PHEX: variants seen among roughly 807,000 people sequenced by gnomAD.
PHEX encodes the protein phosphate regulating endopeptidase X-linked, also known as phosphate-regulating neutral endopeptidase PHEX.
Under a neutral mutation model 68.0 loss-of-function variants are expected in PHEX, and 16 were observed. That is an observed-to-expected ratio of 0.24 (90% CI 0.16 to 0.36). The LOEUF (loss-of-function observed/expected upper bound fraction) is 0.36. PHEX is among the 10% of genes least tolerant of loss of function. The pLI is 1.00. For missense variants in PHEX, 480 were observed against 575.5 expected (o/e 0.83, Z 1.70); for synonymous variants, 208 against 205.1 (o/e 1.01, Z -0.12).
rs929943008 is a variant in PHEX at position 22,163,807 on chromosome X, C to T, written c.1405-4505C>T. Among the ~76,000 whole-genome samples the T allele has an allele frequency of 3.6e-5, 4 of 111,975 alleles. No homozygotes were observed. The Admixed American group carries it at 3.8e-4, about 11-fold the overall frequency. ...ATCAAACTATTGGTGCTTCACTTCT[C>T]CCATTTTGAAAAATTAAAAAGTGAT... is the stretch of plus-strand genomic sequence containing the variant. On this transcript the variant is annotated intron_variant, in intron 12 of 21. Transcript: ENST00000379374.
rs1338704740 is a variant in PHEX, at chrX:22,249,037, T to G, written c.*1084T>G. On this transcript the variant is annotated 3_prime_UTR_variant, in exon 22 of 22. Coordinates refer to ENST00000379374, the MANE Select transcript of PHEX (RefSeq NM_000444.6). ...AAAAAAACATTTTTGAAAAATTTCT[T>G]GACTGATGACATTCTAGAATTTATT... 1 of 110,940 alleles carries G rather than the reference T, an allele frequency of 9.0e-6. No individual in the cohort carries two copies. The highest frequency in any genetic ancestry group is 1.9e-5 in the Non-Finnish European group (1 of 53,021). The allele number at this position is 110,940 out of a possible 1,213,427, so 9.1% of individuals were successfully genotyped here. A position where few individuals can be genotyped will look rare whatever the true frequency, so the allele number is the denominator to read the frequency against.
At chrX:22,041,265 C>CTCTCTCTCTCTCTCTATATATATATA (rs1468778300) in intron 2 of PHEX, among the ~76,000 whole-genome samples, 3 of 72,819 alleles carry the variant, frequency 4.1e-5, no homozygotes, top group African/African-American at 1.9e-4. Context: ...CTCTCTCTCT[C>CTCTCTCTCTCTCTCTATATATATATA]TATATATATA....
chrX:22,235,088 A>AT (rs1935925225), intron 20 of PHEX, among the ~76,000 whole-genome samples: 1 of 110,540 alleles, frequency 9.0e-6, no homozygotes, highest in Non-Finnish European at 1.9e-5. Context: ...AGGGGAGAAA[A>AT]TTCCCCGACC....
chrX:22,218,923 T>C, intron 16 of PHEX, 113 bp from the exon 17 acceptor site: 2 of 546,530 alleles, frequency 3.7e-6, no homozygotes, highest in Non-Finnish European at 6.5e-6. Context: ...TCGATTGTTA[T>C]TACCATGGTT....
At chrX:22,194,854 T>A (rs959449443) in intron 15 of PHEX, among the ~76,000 whole-genome samples, 5 of 112,518 alleles carry the variant, frequency 4.4e-5, no homozygotes, top group African/African-American at 1.3e-4. Context: ...ATTATAATGA[T>A]TTAAATCTGC....
intron 11 of PHEX, among the ~76,000 whole-genome samples, chrX:22,125,414 G>T (rs1212607206): frequency 2.7e-5 from 3 of 111,722 alleles, no homozygotes; most frequent in African/African-American, 9.7e-5. Flanking sequence ...TTTTCGTTAA[G>T]AATTTTATTA....
In PHEX at chrX:22,228,396, C is replaced by CTGTCT. The variant is rs754611555; in HGVS notation, c.2070+787_2070+791dup. The stretch of plus-strand genomic sequence containing the variant: ...TCAGTACAACCTTTTGTTCCTAAGT[C>CTGTCT]TGTCTTTGCTTTCACTGCTAAGTAA... On this transcript the variant is annotated intron_variant, in intron 20 of 21. Coordinates refer to ENST00000379374, the MANE Select transcript of PHEX (RefSeq NM_000444.6). 4.5e-5 allele frequency among the ~76,000 whole-genome samples: 5 copies of CTGTCT among 112,146 alleles called. No individual in the cohort carries two copies. In the South Asian group the frequency reaches 1.8e-3, roughly 41 times the overall value.
intron 7 of PHEX, among the ~76,000 whole-genome samples, chrX:22,095,884 T>C (rs181857989): frequency 1.8e-5 from 2 of 112,214 alleles, no homozygotes; most frequent in South Asian, 3.7e-4. Flanking sequence ...CCCAGCCAAA[T>C]ACGTCCTTGT....
chrX:22,183,038 C>T (rs759089501), intron 14 of PHEX, among the ~76,000 whole-genome samples: 1 of 111,870 alleles, frequency 8.9e-6, no homozygotes, highest in Non-Finnish European at 1.9e-5. Flanking sequence ...TCAACCTTCT[C>T]ATGCCATTAT....
Position 22,153,903 on chromosome X carries a change from C to G in PHEX, c.1405-14409C>G, listed in dbSNP as rs951161501. Among the ~76,000 whole-genome samples, 9 of 111,422 alleles carry G rather than the reference C, an allele frequency of 8.1e-5. No homozygotes were observed. The East Asian group carries it at 2.3e-3, about 28-fold the overall frequency. On this transcript the variant is annotated intron_variant, in intron 12 of 21. Coordinates refer to ENST00000379374, the MANE Select transcript of PHEX (RefSeq NM_000444.6). The stretch of plus-strand genomic sequence containing the variant: ...TGAAAGTACTTAAAAATAGATTTTG[C>G]GAAGTTACTGAGAGAAAAGTTATTA...
chrX:22,068,108 G>A (rs1928696713), intron 3 of PHEX, among the ~76,000 whole-genome samples: 2 of 111,178 alleles, frequency 1.8e-5, no homozygotes, highest in Non-Finnish European at 3.8e-5. Flanking sequence ...ACAGTGCCGA[G>A]ATTACAGGCG....
At chrX:22,141,735 C>T (rs1932470671) in intron 12 of PHEX, among the ~76,000 whole-genome samples, 1 of 111,761 alleles carries the variant, frequency 8.9e-6, no homozygotes, top group Non-Finnish European at 1.9e-5. Context: ...TTTAAAAAAT[C>T]TGGAAAATAA....
At chrX:22,097,573 T>A (rs1930197613) in intron 8 of PHEX, 1 of 133,419 alleles carries the variant, frequency 7.5e-6, no homozygotes, top group Non-Finnish European at 1.4e-5. Flanking sequence ...TGAGTAGGAT[T>A]GGGTCACATG....
chrX:22,234,763 T>A (rs1426898558), intron 20 of PHEX, among the ~76,000 whole-genome samples: 1 of 107,908 alleles, frequency 9.3e-6, no homozygotes, highest in Non-Finnish European at 1.9e-5. Flanking sequence ...TAGAACCCCT[T>A]CTGACGGGAG....
intron 20 of PHEX, among the ~76,000 whole-genome samples, chrX:22,232,596 CTTTTTTTT>C (rs745474280): frequency 8.6e-4 from 16 of 18,554 alleles, no homozygotes; most frequent in East Asian, 3.6e-3. Context: ...GCCACTTCTG[CTTTTTTTT>C]TTTTTTTTTT....
rs1168272048 is a variant in PHEX, at chrX:22,036,065, T to A, written c.119-2404T>A. Among the ~76,000 whole-genome samples, 319 of 87,738 alleles carry A rather than the reference T, an allele frequency of 3.6e-3. 3 individuals carry two copies. Among genetic ancestry groups the A allele is most frequent in the African/African-American group, 8.8e-3 (206 of 23,471 alleles). The allele number at this position is 87,738 out of a possible 115,157, so 76.2% of individuals were successfully genotyped here. Reference sequence around the variant, plus strand: ...ATATATATATATATATTTTTTTTTTTTTTTTTTTTTTTGAGACGGAGTCTC... The same window carrying A: ...ATATATATATATATATTTTTTTTTTATTTTTTTTTTTTGAGACGGAGTCTC... On this transcript the variant is annotated intron_variant, in intron 1 of 21. Coordinates refer to ENST00000379374, the MANE Select transcript of PHEX (RefSeq NM_000444.6).
intron 20 of PHEX, among the ~76,000 whole-genome samples, chrX:22,241,674 A>C (rs962690944): frequency 8.9e-6 from 1 of 112,403 alleles, no homozygotes; most frequent in Non-Finnish European, 1.9e-5. Context: ...AAAATCTAGA[A>C]GAAATGGATA....
intron 2 of PHEX, among the ~76,000 whole-genome samples, chrX:22,043,397 A>G (rs1373451045): frequency 8.9e-6 from 1 of 112,247 alleles, no homozygotes; most frequent in Non-Finnish European, 1.9e-5. Context: ...AATGTGCCCA[A>G]CACTATTCTA....
chrX:22,063,630 G>C (rs958839628), intron 3 of PHEX, among the ~76,000 whole-genome samples: 1 of 112,165 alleles, frequency 8.9e-6, no homozygotes, highest in African/African-American at 3.2e-5. Flanking sequence ...CAGAAGCGTC[G>C]CGTCCACCTT....
Sources: gnomAD v4.1 joint callset for allele counts (sites outside exome capture counted in the v4.1 genomes callset) on GRCh38, gnomAD v4.1.1 for gene constraint, MANE v1.5 for transcripts, NCBI Gene and HGNC (gene_info 2026-07-23, HGNC 2026-07-21) for gene names.